FRMPD4: variants seen among roughly 807,000 people sequenced by gnomAD.
FRMPD4 encodes FERM and PDZ domain containing 4, also known as FERM and PDZ domain-containing protein 4.
FRMPD4 carries 22 observed loss-of-function variants against 94.1 expected under a neutral mutation model. The observed-to-expected ratio is 0.23, with a 90% confidence interval of 0.17 to 0.33. FRMPD4 has a LOEUF of 0.33. FRMPD4 is among the 10% of genes least tolerant of loss of function. The probability of loss-of-function intolerance (pLI) is 1.00; values close to 1 mark genes in which losing one functional copy is unlikely to be tolerated. For missense variants in FRMPD4, 1,111 were observed against 1,339.9 expected (o/e 0.83, Z 2.67); for synonymous variants, 631 against 548.6 (o/e 1.15, Z -2.10).
intron 4 of FRMPD4, among the ~76,000 whole-genome samples, chrX:12,617,940 T>C (rs1366938834): frequency 9.0e-6 from 1 of 111,718 alleles, no homozygotes; most frequent in Admixed American, 9.5e-5. Flanking sequence ...CAGAGACCAA[T>C]TTACTGCTAT....
At chrX:12,517,853 A>AT (rs1160154868) in intron 2 of FRMPD4, among the ~76,000 whole-genome samples, 1 of 112,232 alleles carries the variant, frequency 8.9e-6, no homozygotes, top group Non-Finnish European at 1.9e-5. Flanking sequence ...CCCTCCCCCA[A>AT]GGGGCTCTTT....
intron 5 of FRMPD4, among the ~76,000 whole-genome samples, chrX:12,678,240 G>T (rs747426092): frequency 1.8e-5 from 2 of 112,158 alleles, no homozygotes; most frequent in African/African-American, 3.2e-5. Context: ...CTTTCACATC[G>T]TCTTTATTGT....
At chrX:12,347,291 G>A (rs972013434) in intron 1 of FRMPD4, among the ~76,000 whole-genome samples, 4 of 111,098 alleles carry the variant, frequency 3.6e-5, no homozygotes, top group African/African-American at 1.3e-4. Flanking sequence ...AGGCTGGAGT[G>A]CAGTGGCGTG....
chrX:12,335,194 T>G (rs2055497337), intron 1 of FRMPD4, among the ~76,000 whole-genome samples: 1 of 109,654 alleles, frequency 9.1e-6, no homozygotes, highest in South Asian at 4.1e-4. Flanking sequence ...AGTGCAGTGG[T>G]GCAATCACAG....
intron 1 of FRMPD4, among the ~76,000 whole-genome samples, chrX:12,268,585 A>G (rs995228692): frequency 5.4e-5 from 6 of 111,862 alleles, no homozygotes; most frequent in Non-Finnish European, 1.1e-4. Context: ...TTTGTATTCT[A>G]CCATCTCCTA....
chrX:11,906,500 T>C (rs1034490806), intron 3 of FRMPD4, among the ~76,000 whole-genome samples: 1 of 111,942 alleles, frequency 8.9e-6, no homozygotes, highest in Non-Finnish European at 1.9e-5. Context: ...AATTCTTGGC[T>C]GACAGTTTTT....
intron 3 of FRMPD4, among the ~76,000 whole-genome samples, chrX:12,111,314 TG>T (rs779633866): frequency 8.9e-6 from 1 of 111,763 alleles, no homozygotes; most frequent in Non-Finnish European, 1.9e-5. Context: ...AAACAGGAAA[TG>T]GGGAAAGGAT....
At chrX:12,005,648 T>A (rs2054548392) in intron 3 of FRMPD4, among the ~76,000 whole-genome samples, 1 of 112,353 alleles carries the variant, frequency 8.9e-6, no homozygotes, top group Non-Finnish European at 1.9e-5. Context: ...AGCAAATGCA[T>A]TATGTCATCT....
intron 2 of FRMPD4, among the ~76,000 whole-genome samples, chrX:12,595,130 A>G (rs1004640346): frequency 5.4e-5 from 6 of 112,116 alleles, no homozygotes; most frequent in African/African-American, 1.6e-4. Flanking sequence ...AACAAATCCA[A>G]CTGAAAGGTT....
At chrX:12,233,642 C>G (rs1490473278) in intron 1 of FRMPD4, among the ~76,000 whole-genome samples, 3 of 111,792 alleles carry the variant, frequency 2.7e-5, no homozygotes, top group Non-Finnish European at 5.6e-5. Context: ...GTGGTCATTG[C>G]AGGCCCAAAT....
At chrX:12,261,992 C>T (rs1375191683) in intron 1 of FRMPD4, among the ~76,000 whole-genome samples, 3 of 111,740 alleles carry the variant, frequency 2.7e-5, no homozygotes, top group Admixed American at 9.5e-5. Flanking sequence ...CAAAAATAAT[C>T]GGTTGTTACT....
chrX:12,602,815 G>A (rs150383990), intron 2 of FRMPD4, among the ~76,000 whole-genome samples: 142 of 111,829 alleles, frequency 1.3e-3, no homozygotes, highest in African/African-American at 3.5e-3. Flanking sequence ...TTCTTGTGAC[G>A]CTGGTGGGCA....
In FRMPD4 at chrX:12,610,008, G is replaced by A. The variant is rs5979679; in HGVS notation, c.319+127G>A. The A allele has an allele frequency of 5.6e-3, 3,336 of 599,472 alleles. 84 individuals carry two copies. In the African/African-American group the frequency reaches 0.066, roughly 12 times the overall value. 49.4% of individuals were successfully genotyped at this position (599,472 alleles called of 1,213,427 possible). A position where few individuals can be genotyped will look rare whatever the true frequency, so the allele number is the denominator to read the frequency against. ...GATATGTTTTTCCAAAACCTGGATA[G>A]AGTCACTTCACCAGAGGAACAGAAA... On this transcript the variant is annotated intron_variant, in intron 3 of 16. Coordinates refer to ENST00000675598, the MANE Select transcript of FRMPD4 (RefSeq NM_001368397.1).
intron 3 of FRMPD4, among the ~76,000 whole-genome samples, chrX:11,886,907 G>T (rs1016442805): frequency 1.8e-5 from 2 of 109,818 alleles, no homozygotes; most frequent in Middle Eastern, 9.3e-3. Flanking sequence ...ATGTCTCCTC[G>T]GGGGGACCTT....
chrX:12,160,068 G>GGTGTGT (rs757966489), intron 1 of FRMPD4, among the ~76,000 whole-genome samples: 1,574 of 100,005 alleles, frequency 0.016, 10 homozygotes, highest in African/African-American at 0.028. Flanking sequence ...GATGTTGAGG[G>GGTGTGT]GTGTGTGTGT....
chrX:12,347,616 G>A (rs5935307), intron 1 of FRMPD4, among the ~76,000 whole-genome samples: 16,228 of 111,184 alleles, frequency 0.15, 1,054 homozygotes, highest in Non-Finnish European at 0.2. Context: ...GAAAACATAG[G>A]TGATAATTTT....
intron 1 of FRMPD4, among the ~76,000 whole-genome samples, chrX:12,230,880 AT>A (rs1369650716): frequency 3.4e-5 from 3 of 88,632 alleles, no homozygotes; most frequent in African/African-American, 8.3e-5. Flanking sequence ...ATATATAATA[AT>A]ATATACTATA....
chrX:12,210,472 C>T (rs975827906), intron 1 of FRMPD4, among the ~76,000 whole-genome samples: 2 of 111,584 alleles, frequency 1.8e-5, no homozygotes, highest in Non-Finnish European at 3.8e-5. Flanking sequence ...TGTGGTTCTG[C>T]CTTCCTTTTC....
intron 1 of FRMPD4, among the ~76,000 whole-genome samples, chrX:12,483,497 T>G (rs1488548374): frequency 1.8e-5 from 2 of 112,439 alleles, no homozygotes; most frequent in African/African-American, 3.2e-5. Context: ...CCTCATCATC[T>G]TCTATAAACA....
Sources: gnomAD v4.1 joint callset for allele counts (sites outside exome capture counted in the v4.1 genomes callset) on GRCh38, gnomAD v4.1.1 for gene constraint, MANE v1.5 for transcripts, NCBI Gene and HGNC (gene_info 2026-07-23, HGNC 2026-07-21) for gene names.